PLXNA2: variants seen among roughly 807,000 people sequenced by gnomAD.
The protein encoded by PLXNA2 is plexin-A2.
Under a neutral mutation model 193.5 loss-of-function variants are expected in PLXNA2, and 91 were observed. The observed-to-expected ratio is 0.47, with a 90% CI of 0.40 to 0.56. The LOEUF (loss-of-function observed/expected upper bound fraction) is 0.56, where lower values mean the gene tolerates loss of function less well. Ranked by LOEUF, PLXNA2 falls within the 20% of genes least tolerant of loss-of-function variation. PLXNA2 has a pLI of 0.00. For missense variants in PLXNA2, 1,995 were observed against 2,503.2 expected (o/e 0.80, Z 4.33); for synonymous variants, 997 against 1,027.3 (o/e 0.97, Z 0.56).
rs149286133 is a variant in PLXNA2 at position 208,145,400 on chromosome 1, A to C, written c.1372-2937T>G. Among the ~76,000 whole-genome samples, 1,016 of 152,320 alleles carry C rather than the reference A, an allele frequency of 6.7e-3. 6 individuals are homozygous for C. The highest frequency in any genetic ancestry group is 0.011 in the Non-Finnish European group (758 of 68,026). On this transcript the variant is annotated intron_variant, in intron 3 of 31. Transcript: ENST00000367033. Reference sequence around the variant, plus strand: ...GCCCCTCCCTCAAGCCTGGTCTGGGATCTCCTGCCCCAGAAGGCCAGTTAA... The same window carrying C: ...GCCCCTCCCTCAAGCCTGGTCTGGGCTCTCCTGCCCCAGAAGGCCAGTTAA...
chr1:208,032,427 CTTG>C (rs1317272235), intron 28 of PLXNA2, among the ~76,000 whole-genome samples: 5 of 152,044 alleles, frequency 3.3e-5, no homozygotes, highest in Admixed American at 6.5e-5. Context: ...TTGTTGGTCT[CTTG>C]TTGTTATGCT....
intron 3 of PLXNA2, among the ~76,000 whole-genome samples, chr1:208,201,589 G>T (rs1670555619): frequency 6.6e-6 from 1 of 152,178 alleles, no homozygotes; most frequent in African/African-American, 2.4e-5. Context: ...CACTACCCCA[G>T]GGAGCCAGGG....
intron 9 of PLXNA2, among the ~76,000 whole-genome samples, chr1:208,085,533 T>G (rs1213472522): frequency 6.6e-6 from 1 of 152,238 alleles, no homozygotes; most frequent in Non-Finnish European, 1.5e-5. Flanking sequence ...GGGCCAGGAT[T>G]GCTGGATTTC....
intron 4 of PLXNA2, among the ~76,000 whole-genome samples, chr1:208,119,500 G>A (rs1423453920): frequency 1.3e-5 from 2 of 152,250 alleles, no homozygotes; most frequent in Admixed American, 1.3e-4. Flanking sequence ...GGAAAGGTGA[G>A]TCTGGTGAAG....
At chr1:208,052,208 G>T (rs1225027112) in intron 15 of PLXNA2, 119 bp downstream of exon 15, 10 of 974,100 alleles carry the variant, frequency 1.0e-5, no homozygotes, top group South Asian at 1.5e-5. Flanking sequence ...TTTGGGTCTA[G>T]GTGTAGCAAA....
intron 5 of PLXNA2, among the ~76,000 whole-genome samples, chr1:208,101,327 C>T (rs1333000991): frequency 6.6e-6 from 1 of 152,200 alleles, no homozygotes; most frequent in East Asian, 1.9e-4. Flanking sequence ...CTGCAGCTTC[C>T]CCCATCTCCT....
intron 4 of PLXNA2, among the ~76,000 whole-genome samples, chr1:208,112,013 T>C (rs1667494076): frequency 6.6e-6 from 1 of 152,060 alleles, no homozygotes; most frequent in South Asian, 2.1e-4. Flanking sequence ...GAGGGCGGAG[T>C]GCAGTTCAAA....
intron 4 of PLXNA2, among the ~76,000 whole-genome samples, chr1:208,135,892 T>A (rs925325572): frequency 2.6e-5 from 4 of 152,154 alleles, no homozygotes; most frequent in Admixed American, 2.0e-4. Flanking sequence ...GCAGACCGAC[T>A]GCGTGACTGC....
At chr1:208,116,677 C>T (rs988622318) in intron 4 of PLXNA2, among the ~76,000 whole-genome samples, 2 of 152,190 alleles carry the variant, frequency 1.3e-5, no homozygotes, top group Non-Finnish European at 2.9e-5. Flanking sequence ...CTTAACCTCC[C>T]TGGGCCTCAG....
chr1:208,110,073 C>T (rs770177969), intron 4 of PLXNA2, among the ~76,000 whole-genome samples: 1 of 152,238 alleles, frequency 6.6e-6, no homozygotes, highest in Admixed American at 6.5e-5. Context: ...GACACTCATT[C>T]AGAGTCCTCA....
chr1:208,188,407 A>C (rs1558235447), intron 3 of PLXNA2, among the ~76,000 whole-genome samples: 1 of 152,098 alleles, frequency 6.6e-6, no homozygotes, highest in Non-Finnish European at 1.5e-5. Context: ...AGTTCAATCC[A>C]TTTGCAAAAT....
rs1558158181 is a variant in PLXNA2, at chr1:208,038,363, C to T, written c.4764+8G>A. The stretch of plus-strand genomic sequence containing the variant: ...AAGCTGAAGAGGGGAAAAGACACCC[C>T]CTCTCACCTGATAATGCATCAGTGT... On this transcript the variant is annotated splice_region_variant and intron_variant, in intron 26 of 31. Coordinates refer to ENST00000367033, the MANE Select transcript of PLXNA2 (RefSeq NM_025179.4). The surrounding 1 kb of genome is among the most constrained non-coding windows in gnomAD (Gnocchi z 4.1). 1 of 1,581,906 alleles carries T rather than the reference C, an allele frequency of 6.3e-7. No individual in the cohort carries two copies. Among genetic ancestry groups the T allele is most frequent in the Admixed American group, 1.7e-5 (1 of 59,944 alleles).
chr1:208,120,190 T>C (rs535699495), intron 4 of PLXNA2, among the ~76,000 whole-genome samples: 3 of 152,198 alleles, frequency 2.0e-5, no homozygotes, highest in East Asian at 3.9e-4. Flanking sequence ...CCAAAGGAAA[T>C]GAAAACATGC....
At chr1:208,223,291 A>G (rs1276373235) in intron 1 of PLXNA2, among the ~76,000 whole-genome samples, 3 of 151,690 alleles carry the variant, frequency 2.0e-5, no homozygotes, top group Non-Finnish European at 4.4e-5. Context: ...CAAATTGACC[A>G]GGGCGACTCA....
At position 208,217,866 on chromosome 1, in the gene PLXNA2, G is replaced by C. The variant is rs1336874071; in HGVS notation, c.57C>G (p.Val19=). Residue 19 remains valine (V), a synonymous_variant, in exon 2 of 32, where the codon GTC becomes GTG. Coordinates refer to ENST00000367033, the MANE Select transcript of PLXNA2 (RefSeq NM_025179.4). This position sits in a 1 kb window ranked among gnomAD's most constrained non-coding sequence, Gnocchi z 4.7. ...RALEVDSRSV[V]LLSVVWVLLA... ...GCAGCACCCAGACCACTGAGAGCAG[G>C]ACCACAGAGCGGCTGTCCACCTCCA... 1.9e-6 allele frequency: 3 copies of C among 1,613,416 alleles called. No homozygotes were observed. Among genetic ancestry groups the C allele is most frequent in the Non-Finnish European group, 2.5e-6 (3 of 1,180,030 alleles).
chr1:208,174,851 A>G (rs192244129), intron 3 of PLXNA2, among the ~76,000 whole-genome samples: 1 of 152,326 alleles, frequency 6.6e-6, no homozygotes, highest in East Asian at 1.9e-4. Context: ...AGTGGTGGAT[A>G]CAAGAGAAAT....
intron 3 of PLXNA2, among the ~76,000 whole-genome samples, chr1:208,178,277 G>A (rs1669725445): frequency 6.6e-6 from 1 of 152,194 alleles, no homozygotes; most frequent in Non-Finnish European, 1.5e-5. Context: ...TACACAATGT[G>A]CAGCCAGGTG....
chr1:208,081,982 C>T (rs534221933), intron 11 of PLXNA2, among the ~76,000 whole-genome samples: 1 of 152,082 alleles, frequency 6.6e-6, no homozygotes, highest in Non-Finnish European at 1.5e-5. Context: ...TGCTCTCTCC[C>T]GCCCACCTCA....
intron 4 of PLXNA2, 67 bp downstream of exon 4, chr1:208,142,262 A>G: frequency 6.6e-7 from 1 of 1,511,626 alleles, no homozygotes; most frequent in South Asian, 1.3e-5. Flanking sequence ...ACAGTTTCTG[A>G]ACAAAGGTGA....
Sources: allele counts gnomAD v4.1 joint callset (sites outside exome capture counted in the v4.1 genomes callset), GRCh38; gene constraint gnomAD v4.1.1; non-coding constraint Gnocchi (gnomAD v3.1); transcripts MANE v1.5; gene names NCBI Gene and HGNC (gene_info 2026-07-23, HGNC 2026-07-21).